The following SLC12A6 variants were observed in gnomAD, a reference collection of about 807,000 sequenced individuals.
SLC12A6 encodes the protein K-Cl cotransporter 3.
Under a neutral mutation model 135.3 loss-of-function variants are expected in SLC12A6, and 66 were observed. The ratio of observed to expected loss-of-function variants is 0.49; its 90% CI spans 0.40 to 0.60. The LOEUF (loss-of-function observed/expected upper bound fraction) is 0.60, where lower values mean the gene tolerates loss of function less well. Among genes scored for constraint, SLC12A6 ranks in the 20% least tolerant of loss-of-function variants. The pLI is 0.00. For missense variants in SLC12A6, 1,058 were observed against 1,452.3 expected (o/e 0.73, Z 4.41); for synonymous variants, 513 against 508.8 (o/e 1.01, Z -0.11).
At chr15:34,317,547 A>G (rs1888737025) in intron 2 of SLC12A6, among the ~76,000 whole-genome samples, 1 of 152,108 alleles carries the variant, frequency 6.6e-6, no homozygotes, top group Non-Finnish European at 1.5e-5. Context: ...TACTAAAAAT[A>G]CAAAAATTAG....
At chr15:34,279,347 CA>C (rs1015843688) in intron 2 of SLC12A6, among the ~76,000 whole-genome samples, 1 of 151,322 alleles carries the variant, frequency 6.6e-6, no homozygotes, top group African/African-American at 2.4e-5. Context: ...CAAAACAAAA[CA>C]AAAAAAACAA....
intron 2 of SLC12A6, among the ~76,000 whole-genome samples, chr15:34,285,745 C>G (rs1424408738): frequency 3.0e-5 from 3 of 100,534 alleles, no homozygotes; most frequent in South Asian, 2.7e-4. Flanking sequence ...ATTATTCAAC[C>G]TTTAAAAAGG....
rs1341271748 is a variant in SLC12A6 at position 34,231,278 on chromosome 15, CTT to C, written c.*2601_*2602del. ...TCGGGAGGCTGAGGCAGGAGAATCGCTTGAACCCAGGAGGCAGAGGTTGCGGT... is the reference window on the plus strand; with the variant it reads ...TCGGGAGGCTGAGGCAGGAGAATCGCGAACCCAGGAGGCAGAGGTTGCGGT... On this transcript the variant is annotated 3_prime_UTR_variant, in exon 26 of 26. Transcript: ENST00000354181. 9 of 151,970 alleles carry C rather than the reference CTT, an allele frequency of 5.9e-5. No homozygotes were observed. The highest frequency in any genetic ancestry group is 2.2e-4 in the African/African-American group (9 of 41,294). 9.4% of individuals were successfully genotyped at this position (151,970 alleles called of 1,614,324 possible).
At chr15:34,251,613 T>C (rs959783321) in intron 10 of SLC12A6, among the ~76,000 whole-genome samples, 3 of 152,236 alleles carry the variant, frequency 2.0e-5, no homozygotes, top group Non-Finnish European at 4.4e-5. Flanking sequence ...CATGCAAATA[T>C]AGTTTAACTT....
rs531279243 is a variant in SLC12A6 at position 34,280,727 on chromosome 15, A to G, written c.272-5338T>C. On this transcript the variant is annotated intron_variant, in intron 2 of 25. Transcript: ENST00000354181. ...ATTAGTATATCAAAGAGACACCTGCACTGCATGTTTATTGCAGCACTATTC... is the reference window on the plus strand; with the variant it reads ...ATTAGTATATCAAAGAGACACCTGCGCTGCATGTTTATTGCAGCACTATTC... Among the ~76,000 whole-genome samples the G allele has an allele frequency of 2.0e-5, 3 of 152,328 alleles. No individual in the cohort carries two copies. In the East Asian group the frequency reaches 5.8e-4, roughly 29 times the overall value.
At chr15:34,305,826 C>T (rs764006460) in intron 2 of SLC12A6, among the ~76,000 whole-genome samples, 3 of 148,724 alleles carry the variant, frequency 2.0e-5, no homozygotes, top group Non-Finnish European at 3.0e-5. Flanking sequence ...GGCGCGATCT[C>T]GGCTCACTGC....
intron 2 of SLC12A6, among the ~76,000 whole-genome samples, chr15:34,307,241 T>C (rs1896661035): frequency 1.3e-5 from 2 of 152,160 alleles, no homozygotes. Flanking sequence ...CATCCCTAAA[T>C]ATAAAGCATA....
At chr15:34,310,114 T>C (rs1179541012) in intron 2 of SLC12A6, among the ~76,000 whole-genome samples, 2 of 151,348 alleles carry the variant, frequency 1.3e-5, no homozygotes, top group Non-Finnish European at 2.9e-5. Context: ...GTTCAAGCAA[T>C]CCTCCCACCT....
At position 34,336,622 on chromosome 15, in the gene SLC12A6, G is replaced by C. The variant is rs2141213365; in HGVS notation, c.59C>G (p.Thr20Arg). ...CAAACCTGGAATGTCATCGATCTTT[G>C]TCGGTGTCACCATGAACCGAACTGA... ...MASVRFMVTPTKIDDIPGLSD... is the reference protein window; with the variant it reads ...MASVRFMVTPRKIDDIPGLSD... Residue 20 changes from threonine to arginine, a missense_variant, in exon 2 of 26, where the codon ACA (threonine) becomes AGA (arginine). Physicochemically the swap from Thr to Arg is moderately conservative, Grantham distance 71. Transcript: ENST00000354181. 6.2e-7 allele frequency: 1 copy of C among 1,613,404 alleles called. No homozygotes were observed.
At chr15:34,273,740 C>T (rs1894114225) in intron 3 of SLC12A6, among the ~76,000 whole-genome samples, 1 of 152,154 alleles carries the variant, frequency 6.6e-6, no homozygotes, top group Non-Finnish European at 1.5e-5. Flanking sequence ...TCAAAGCATA[C>T]ATAGACACAC....
intron 2 of SLC12A6, among the ~76,000 whole-genome samples, chr15:34,325,688 A>C (rs1889411234): frequency 6.6e-6 from 1 of 152,168 alleles, no homozygotes; most frequent in African/African-American, 2.4e-5. Context: ...TAGAGTAAGA[A>C]AGGCAAAGAG....
At chr15:34,265,456 G>T (rs1334233036) in intron 3 of SLC12A6, among the ~76,000 whole-genome samples, 1 of 147,444 alleles carries the variant, frequency 6.8e-6, no homozygotes, top group African/African-American at 2.5e-5. Context: ...AACCCAAAAA[G>T]AATTTCAAGA....
At chr15:34,249,416 T>G (rs1892231254) in intron 13 of SLC12A6, among the ~76,000 whole-genome samples, 1 of 151,884 alleles carries the variant, frequency 6.6e-6, no homozygotes, top group African/African-American at 2.4e-5. Flanking sequence ...TAAAAAAAAC[T>G]ACTAGCTGGG....
rs1435313524 is a variant in SLC12A6 at position 34,257,721 on chromosome 15, A to G, written c.611T>C (p.Leu204Pro). The change falls in exon 6 of 26, where the codon CTT becomes CCT. Residue 204 changes from leucine to proline, a missense_variant. Leu to Pro is a moderately conservative substitution (Grantham distance 98). This residue lies in a region of SLC12A6 where 139 missense variants were observed against 202.2 expected (regional missense o/e 0.69). Transcript: ENST00000354181. Reference sequence around the variant, plus strand: ...CACCACCCATGTAAGGCGTAAAAAAAGGATCACTCCAAAAATATTTTGTAG... The same window carrying G: ...CACCACCCATGTAAGGCGTAAAAAAGGGATCACTCCAAAAATATTTTGTAG... ...PCLQNIFGVI[L>P]FLRLTWVVGT... 1 of 1,610,930 alleles carries G rather than the reference A, an allele frequency of 6.2e-7. No individual in the cohort carries two copies. The highest frequency in any genetic ancestry group is 1.7e-5 in the Admixed American group (1 of 60,020).
chr15:34,263,583 T>C (rs144553803), intron 3 of SLC12A6, among the ~76,000 whole-genome samples: 45 of 152,146 alleles, frequency 3.0e-4, no homozygotes, highest in African/African-American at 1.0e-3. Flanking sequence ...CAGCAAACTT[T>C]ATTTGAGCAC....
chr15:34,333,417 G>C (rs1263435988), intron 2 of SLC12A6, among the ~76,000 whole-genome samples: 1 of 151,784 alleles, frequency 6.6e-6, no homozygotes, highest in Non-Finnish European at 1.5e-5. Context: ...TTTTAGTAGA[G>C]ACAGGGTTTC....
At chr15:34,236,488 G>A (rs1891274843) in intron 23 of SLC12A6, among the ~76,000 whole-genome samples, 1 of 152,138 alleles carries the variant, frequency 6.6e-6, no homozygotes, top group South Asian at 2.1e-4. Flanking sequence ...GGGATTACAG[G>A]CATGTGCCAC....
In SLC12A6 at chr15:34,284,277, C is replaced by CTTTTTTTTTTTTTT. The variant is rs71415558; in HGVS notation, c.272-8902_272-8889dup. The stretch of plus-strand genomic sequence containing the variant: ...CCATATTACTTTCTTTGTTTCTTTT[C>CTTTTTTTTTTTTTT]TTTTTTTTTTTTTTTTTTTTTTTGA... On this transcript the variant is annotated intron_variant, in intron 2 of 25. Transcript: ENST00000354181. Among the ~76,000 whole-genome samples the CTTTTTTTTTTTTTT allele has an allele frequency of 8.0e-4, 74 of 92,472 alleles. 1 individual carries two copies. Among genetic ancestry groups the CTTTTTTTTTTTTTT allele is most frequent in the Non-Finnish European group, 9.5e-4 (47 of 49,598 alleles). 60.7% of individuals were successfully genotyped at this position (92,472 alleles called of 152,430 possible). A position where few individuals can be genotyped will look rare whatever the true frequency, so the allele number is the denominator to read the frequency against.
intron 2 of SLC12A6, among the ~76,000 whole-genome samples, chr15:34,322,264 C>A (rs914608100): frequency 2.0e-5 from 3 of 152,102 alleles, no homozygotes; most frequent in Non-Finnish European, 4.4e-5. Context: ...GCCTGTAATA[C>A]CAGCCACTGG....
Sources: allele counts gnomAD v4.1 joint callset (sites outside exome capture counted in the v4.1 genomes callset), GRCh38; gene constraint gnomAD v4.1.1; regional missense constraint gnomAD v4.1.1; transcripts MANE v1.5; gene names NCBI Gene and HGNC (gene_info 2026-07-23, HGNC 2026-07-21).